Variants in INO80 observed in about 807,000 individuals in gnomAD.
The protein encoded by INO80 is INO80 complex ATPase subunit.
Under a neutral mutation model 203.4 loss-of-function variants are expected in INO80, and 20 were observed. The ratio of observed to expected loss-of-function variants is 0.10; its 90% CI spans 0.07 to 0.14. The LOEUF (loss-of-function observed/expected upper bound fraction) is 0.14, where lower values mean the gene tolerates loss of function less well. Among genes scored for constraint, INO80 ranks in the 10% least tolerant of loss-of-function variants. INO80 has a pLI of 1.00. For missense variants in INO80, 1,419 were observed against 1,914.4 expected (o/e 0.74, Z 4.83); for synonymous variants, 726 against 685.2 (o/e 1.06, Z -0.93).
intron 18 of INO80, among the ~76,000 whole-genome samples, chr15:41,054,991 A>G (rs1163575137): frequency 3.9e-5 from 6 of 152,214 alleles, no homozygotes; most frequent in Non-Finnish European, 7.3e-5. Context: ...AAGCTAAAAT[A>G]TAATACTTTA....
chr15:41,090,884 T>C (rs1196393290), intron 5 of INO80, among the ~76,000 whole-genome samples: 3 of 151,848 alleles, frequency 2.0e-5, no homozygotes, highest in African/African-American at 7.3e-5. Context: ...TCCGAAGTAT[T>C]AGTAGTTTAA....
At chr15:41,006,263 T>C (rs768150255) in intron 27 of INO80, among the ~76,000 whole-genome samples, 1 of 152,318 alleles carries the variant, frequency 6.6e-6, no homozygotes, top group Admixed American at 6.5e-5. Flanking sequence ...TTACAACTTT[T>C]AAGAATGAAG....
At chr15:41,060,603 T>C (rs2045086881) in intron 14 of INO80, among the ~76,000 whole-genome samples, 1 of 151,560 alleles carries the variant, frequency 6.6e-6, no homozygotes, top group Non-Finnish European at 1.5e-5. Flanking sequence ...ACAAAAATTG[T>C]AGTTCAAGGA....
At position 41,079,610 on chromosome 15, in the gene INO80, T is replaced by C. The variant is rs1894462413; in HGVS notation, c.1131+91A>G. The C allele has an allele frequency of 3.7e-6, 4 of 1,089,472 alleles. No homozygotes were observed. The East Asian group carries it at 9.6e-5, about 26-fold the overall frequency. The allele number at this position is 1,089,472 out of a possible 1,614,324, so 67.5% of individuals were successfully genotyped here. On this transcript the variant is annotated intron_variant, in intron 9 of 35. Transcript: ENST00000648947. ...AAAAAACAAAAAATTGACAGTGTCA[T>C]TGGTTAGATGTACAATTTTCAAAAT...
In INO80 at chr15:41,055,375, A is replaced by G; in HGVS notation, c.2071-11T>C. ...CAGCAGAGCCCAAAGCTGTAAACAA[A>G]GACAAAAATGAAATAGCTATAGAGC... is the stretch of plus-strand genomic sequence containing the variant. On this transcript the variant is annotated splice_polypyrimidine_tract_variant and intron_variant, in intron 17 of 35. Transcript: ENST00000648947. 6.4e-7 allele frequency: 1 copy of G among 1,565,062 alleles called. No individual in the cohort carries two copies. Among genetic ancestry groups the G allele is most frequent in the Non-Finnish European group, 8.8e-7 (1 of 1,140,074 alleles).
intron 1 of INO80, among the ~76,000 whole-genome samples, chr15:41,114,894 T>A (rs1428591093): frequency 6.6e-6 from 1 of 152,114 alleles, no homozygotes; most frequent in Non-Finnish European, 1.5e-5. Context: ...GGGGAGTGAC[T>A]GCTAAATGGC....
chr15:41,031,145 A>G (rs920983789), intron 24 of INO80, among the ~76,000 whole-genome samples: 2 of 152,160 alleles, frequency 1.3e-5, no homozygotes, highest in African/African-American at 4.8e-5. Context: ...TGTTTTACCC[A>G]ATATATACTT....
chr15:41,039,725 T>G (rs544590632), intron 24 of INO80, among the ~76,000 whole-genome samples: 1 of 152,124 alleles, frequency 6.6e-6, no homozygotes, highest in African/African-American at 2.4e-5. Context: ...CCACGGACCT[T>G]TGAGGTCAAA....
At chr15:41,017,724 C>T (rs377577033) in intron 26 of INO80, 4 of 152,348 alleles carry the variant, frequency 2.6e-5, no homozygotes, top group African/African-American at 9.6e-5. Flanking sequence ...CATTTCCCAC[C>T]TTCAGAATGC....
chr15:40,985,076 C>T (rs1446152482), intron 32 of INO80, among the ~76,000 whole-genome samples: 5 of 152,188 alleles, frequency 3.3e-5, no homozygotes, highest in South Asian at 2.1e-4. Context: ...TAGCCTTCCA[C>T]GCTTTGTAAC....
chr15:40,985,177 C>G (rs180756650), intron 32 of INO80, among the ~76,000 whole-genome samples, 161 bp downstream of exon 32: 1 of 152,238 alleles, frequency 6.6e-6, no homozygotes, highest in East Asian at 1.9e-4. Flanking sequence ...CCACATTTCT[C>G]CTGAGCAAAG....
chr15:40,983,240 G>A (rs1893904009), intron 34 of INO80, 163 bp from the exon 35 acceptor site: 2 of 599,984 alleles, frequency 3.3e-6, no homozygotes, highest in South Asian at 2.0e-5. Flanking sequence ...AGACCACTGA[G>A]TCACACAGAA....
At chr15:41,024,316 G>C (rs184939065) in intron 25 of INO80, among the ~76,000 whole-genome samples, 7 of 152,244 alleles carry the variant, frequency 4.6e-5, no homozygotes, top group Admixed American at 4.6e-4. Context: ...GGGCAAAAAT[G>C]TCCAATATAC....
chr15:41,073,164 A>C (rs1282256346), intron 11 of INO80, among the ~76,000 whole-genome samples: 2 of 152,148 alleles, frequency 1.3e-5, no homozygotes, highest in Non-Finnish European at 2.9e-5. Flanking sequence ...AAAAATACAA[A>C]CTGTTCTAAC....
Position 41,053,955 on chromosome 15 carries a change from C to G in INO80, c.2248G>C (p.Asp750His), listed in dbSNP as rs149500917. The change falls in exon 19 of 36, where the codon GAT becomes CAT. Residue 750 changes from aspartate (D) to histidine (H), a missense_variant. Transcript: ENST00000648947. ...KPFMLRRIKK[D>H]VENELSDKIE... is the part of the protein sequence containing the mutation. Reference sequence around the variant, plus strand: ...TTGTCAGATAATTCATTTTCCACATCTTTCTTGATTCTCCTCAGCATAAAT... The same window carrying G: ...TTGTCAGATAATTCATTTTCCACATGTTTCTTGATTCTCCTCAGCATAAAT... 1.2e-6 allele frequency: 2 copies of G among 1,613,658 alleles called. No homozygotes were observed. Among genetic ancestry groups the G allele is most frequent in the African/African-American group, 1.3e-5 (1 of 74,902 alleles).
chr15:41,026,238 G>T (rs2044372566), intron 25 of INO80, among the ~76,000 whole-genome samples: 1 of 152,020 alleles, frequency 6.6e-6, no homozygotes, highest in South Asian at 2.1e-4. Context: ...GACAGAAAAG[G>T]CTCCTTCTTC....
chr15:41,058,362 T>C (rs2045031781), intron 16 of INO80, among the ~76,000 whole-genome samples: 1 of 152,156 alleles, frequency 6.6e-6, no homozygotes, highest in Non-Finnish European at 1.5e-5. Context: ...TGTCACGTCA[T>C]ATTTAAAACC....
intron 27 of INO80, among the ~76,000 whole-genome samples, chr15:41,011,205 A>C (rs1294033540): frequency 6.6e-6 from 1 of 152,196 alleles, no homozygotes; most frequent in Non-Finnish European, 1.5e-5. Flanking sequence ...TGATGGTTGA[A>C]ATTCTATTTG....
chr15:40,985,418 G>A lies in INO80; in HGVS notation c.3841C>T (p.Arg1281Trp), dbSNP rs1482292423. 1 of 1,612,246 alleles carries A rather than the reference G, an allele frequency of 6.2e-7. No individual in the cohort carries two copies. The highest frequency in any genetic ancestry group is 8.5e-7 in the Non-Finnish European group (1 of 1,178,550). Residue 1281 changes from arginine (R) to tryptophan (W), a missense_variant, in exon 32 of 36, where the codon CGG (arginine) becomes TGG (tryptophan). This residue lies in a region of INO80 where 214 missense variants were observed against 248.9 expected (regional missense o/e 0.86). Coordinates refer to ENST00000648947, the MANE Select transcript of INO80 (RefSeq NM_017553.3). ...DEELEKKLRL[R>W]QEEKRQQEET... ...TCCTGTTGCCGTTTCTCTTCCTGCCGCAGCCTCACTATCAAGAAAATGAAT... is the reference window on the plus strand; with the variant it reads ...TCCTGTTGCCGTTTCTCTTCCTGCCACAGCCTCACTATCAAGAAAATGAAT...
Sources: allele counts gnomAD v4.1 joint callset (sites outside exome capture counted in the v4.1 genomes callset), GRCh38; gene constraint gnomAD v4.1.1; regional missense constraint gnomAD v4.1.1; transcripts MANE v1.5; gene names NCBI Gene and HGNC (gene_info 2026-07-23, HGNC 2026-07-21).